The following AMMECR1 variants were observed in gnomAD, a reference collection of about 807,000 sequenced individuals.
AMMECR1 encodes nuclear protein AMMECR1.
A neutral mutation model predicts 22.5 loss-of-function variants in AMMECR1; 3 were observed. That is an observed-to-expected ratio of 0.13 (90% CI 0.06 to 0.35). The LOEUF (loss-of-function observed/expected upper bound fraction) is 0.35. AMMECR1 is among the 10% of genes least tolerant of loss of function. The pLI, the probability that AMMECR1 is intolerant of heterozygous loss-of-function variation, is 1.00. For synonymous variants in AMMECR1, 130 were observed against 116.7 expected (o/e 1.11, Z -0.74); for missense variants, 235 against 278.7 (o/e 0.84, Z 1.12).
intron 2 of AMMECR1, among the ~76,000 whole-genome samples, chrX:110,346,365 T>C (rs754819410): frequency 8.9e-6 from 1 of 112,217 alleles, no homozygotes; most frequent in Non-Finnish European, 1.9e-5. Context: ...AATAAACATA[T>C]GAAAAAGTGT....
At chrX:110,402,235 C>T (rs1309061600) in intron 2 of AMMECR1, among the ~76,000 whole-genome samples, 1 of 113,125 alleles carries the variant, frequency 8.8e-6, no homozygotes, top group Non-Finnish European at 1.9e-5. Flanking sequence ...AGCCCTACAT[C>T]ATAATCTGAT....
At chrX:110,340,210 A>G (rs2068159104) in intron 2 of AMMECR1, among the ~76,000 whole-genome samples, 1 of 111,615 alleles carries the variant, frequency 9.0e-6, no homozygotes, top group Admixed American at 9.5e-5. Context: ...CTAGGATTAA[A>G]TGAGATAACG....
intron 1 of AMMECR1, among the ~76,000 whole-genome samples, chrX:110,313,981 C>A (rs2068036085): frequency 8.9e-6 from 1 of 111,995 alleles, no homozygotes; most frequent in Non-Finnish European, 1.9e-5. Context: ...GTAGCATCAG[C>A]ATCACCAGGG....
At chrX:110,398,598 C>T (rs1297210192) in intron 2 of AMMECR1, among the ~76,000 whole-genome samples, 1 of 111,667 alleles carries the variant, frequency 9.0e-6, no homozygotes, top group Non-Finnish European at 1.9e-5. Context: ...GTGACTTGCC[C>T]AAGGTCATAG....
At chrX:110,381,085 G>T (rs2068415333) in intron 2 of AMMECR1, among the ~76,000 whole-genome samples, 2 of 112,020 alleles carry the variant, frequency 1.8e-5, no homozygotes, top group South Asian at 7.4e-4. Flanking sequence ...ACCAAAAATT[G>T]ACAGGTGGGA....
At position 110,304,964 on chromosome X, in the gene AMMECR1, C is replaced by A. The variant is rs146407438; in HGVS notation, c.473+12635G>T. Among the ~76,000 whole-genome samples the A allele has an allele frequency of 5.4e-3, 603 of 112,459 alleles. 3 individuals are homozygous for A. Among genetic ancestry groups the A allele is most frequent in the African/African-American group, 0.019 (585 of 30,978 alleles). On this transcript the variant is annotated intron_variant, in intron 1 of 5. Transcript: ENST00000262844. ...AATCCTATTTTGTCTGTAAAGCTCTCCTGTACAATCTTAGCCCACATTAGT... is the reference window on the plus strand; with the variant it reads ...AATCCTATTTTGTCTGTAAAGCTCTACTGTACAATCTTAGCCCACATTAGT...
intron 2 of AMMECR1, chrX:110,219,204 T>C: frequency 4.5e-6 from 1 of 220,377 alleles, no homozygotes; most frequent in Middle Eastern, 2.7e-3. Flanking sequence ...CTTTAACTTT[T>C]TGAGGAACCA....
intron 1 of AMMECR1, among the ~76,000 whole-genome samples, chrX:110,314,469 T>C (rs2068038734): frequency 9.0e-6 from 1 of 111,404 alleles, no homozygotes; most frequent in South Asian, 3.8e-4. Flanking sequence ...CAAGACCCCA[T>C]TCAAGTCCAA....
chrX:110,392,872 A>T (rs1602962054), intron 2 of AMMECR1, among the ~76,000 whole-genome samples: 1 of 112,230 alleles, frequency 8.9e-6, no homozygotes, highest in South Asian at 3.8e-4. Context: ...CAGCAATAAA[A>T]AGATTTGATG....
At chrX:110,418,165 G>A (rs1004249297) in intron 2 of AMMECR1, among the ~76,000 whole-genome samples, 2 of 112,729 alleles carry the variant, frequency 1.8e-5, no homozygotes, top group Non-Finnish European at 3.7e-5. Context: ...CGGCATGCAG[G>A]CCGGGGACTC....
In AMMECR1 at chrX:110,229,650, C is replaced by G. The variant is rs138165058; in HGVS notation, c.585-13018G>C. 5.4e-3 allele frequency among the ~76,000 whole-genome samples: 607 copies of G among 112,209 alleles called. 3 individuals are homozygous for G. The highest frequency in any genetic ancestry group is 0.019 in the African/African-American group (589 of 30,901). On this transcript the variant is annotated intron_variant, in intron 2 of 5. Transcript: ENST00000262844. ...AGGTACCTGGTTCATCTCATTCGGA[C>G]TGGTTGGACAGTGGGAACAGCCCAC... is the stretch of plus-strand genomic sequence containing the variant.
intron 2 of AMMECR1, among the ~76,000 whole-genome samples, chrX:110,347,530 T>A (rs2068195534): frequency 8.9e-6 from 1 of 112,835 alleles, no homozygotes; most frequent in African/African-American, 3.2e-5. Context: ...TGTGAACAGA[T>A]CTTTTCTGTC....
At chrX:110,402,862 C>T (rs1428796010) in intron 2 of AMMECR1, among the ~76,000 whole-genome samples, 1 of 112,094 alleles carries the variant, frequency 8.9e-6, no homozygotes, top group African/African-American at 3.3e-5. Context: ...TGATTAGGAA[C>T]AGAAGAATGA....
At chrX:110,395,731 C>T (rs1364302694) in intron 2 of AMMECR1, among the ~76,000 whole-genome samples, 5 of 110,598 alleles carry the variant, frequency 4.5e-5, no homozygotes, top group South Asian at 3.9e-4. Flanking sequence ...TTGCTTGTGA[C>T]CTAAGGAGGC....
intron 2 of AMMECR1, among the ~76,000 whole-genome samples, chrX:110,409,390 T>A (rs951574308): frequency 9.0e-6 from 1 of 111,589 alleles, no homozygotes; most frequent in Non-Finnish European, 1.9e-5. Flanking sequence ...AAGAGAGTTG[T>A]GTTTACATTC....
At chrX:110,212,707 A>G (rs1404707579) in intron 3 of AMMECR1, among the ~76,000 whole-genome samples, 1 of 111,982 alleles carries the variant, frequency 8.9e-6, no homozygotes, top group African/African-American at 3.2e-5. Context: ...CGTGAAGCAT[A>G]TACTTTCATA....
intron 2 of AMMECR1, among the ~76,000 whole-genome samples, chrX:110,344,570 G>A (rs1298635144): frequency 9.0e-6 from 1 of 111,005 alleles, no homozygotes; most frequent in East Asian, 2.8e-4. Context: ...CTATGGAATG[G>A]GAGAAAATTT....
rs1321515326 is a variant in AMMECR1 at position 110,412,849 on chromosome X, G to T, written c.-148+13809C>A. Among the ~76,000 whole-genome samples the T allele has an allele frequency of 3.6e-5, 4 of 112,433 alleles. No individual in the cohort carries two copies. In the Admixed American group the frequency reaches 3.7e-4, roughly 11 times the overall value. ...ATGTTACACATACAGGAAAAGACTGGAAGGATAGACAGACTGTCAACACTG... is the reference window on the plus strand; with the variant it reads ...ATGTTACACATACAGGAAAAGACTGTAAGGATAGACAGACTGTCAACACTG... On this transcript the variant is annotated intron_variant, in intron 2 of 7. Transcript: ENST00000372057.
intron 1 of AMMECR1, among the ~76,000 whole-genome samples, chrX:110,273,257 G>A (rs773940750): frequency 3.6e-5 from 4 of 111,390 alleles, no homozygotes; most frequent in East Asian, 5.6e-4. Context: ...ATGAAGATTC[G>A]CGATGTTGAA....
Sources: allele counts gnomAD v4.1 joint callset (sites outside exome capture counted in the v4.1 genomes callset), GRCh38; gene constraint gnomAD v4.1.1; transcripts MANE v1.5; gene names NCBI Gene and HGNC (gene_info 2026-07-23, HGNC 2026-07-21).